Variants in PPM1L observed in about 807,000 individuals in gnomAD.
The protein encoded by PPM1L is protein phosphatase, Mg2+/Mn2+ dependent 1L.
In PPM1L, 13 loss-of-function variants were observed where a neutral mutation model predicts 31.4. The ratio of observed to expected loss-of-function variants is 0.41; its 90% CI spans 0.27 to 0.66. The LOEUF (loss-of-function observed/expected upper bound fraction) is 0.66. PPM1L is among the 30% of genes least tolerant of loss of function. PPM1L has a pLI of 0.29. For missense variants in PPM1L, 326 were observed against 453.7 expected (o/e 0.72, Z 2.56); for synonymous variants, 184 against 175.4 (o/e 1.05, Z -0.39).
intron 1 of PPM1L, among the ~76,000 whole-genome samples, chr3:160,944,862 T>TA (rs1715314669): frequency 7.5e-5 from 1 of 13,340 alleles, no homozygotes; most frequent in South Asian, 1.6e-3. Flanking sequence ...ATATATTATA[T>TA]ATAATGTTAT....
intron 2 of PPM1L, among the ~76,000 whole-genome samples, chr3:160,984,162 G>C (rs947177245): frequency 3.9e-5 from 6 of 152,170 alleles, no homozygotes; most frequent in South Asian, 2.1e-4. Context: ...GGAGACTAGG[G>C]CATGTTTCAT....
intron 1 of PPM1L, among the ~76,000 whole-genome samples, chr3:160,760,725 T>C (rs540790501): frequency 6.6e-6 from 1 of 152,060 alleles, no homozygotes; most frequent in African/African-American, 2.4e-5. Flanking sequence ...TTTTTTTGTT[T>C]TTTTTTTTTA....
At chr3:160,913,476 A>G (rs1007866913) in intron 1 of PPM1L, among the ~76,000 whole-genome samples, 7 of 152,204 alleles carry the variant, frequency 4.6e-5, no homozygotes, top group Non-Finnish European at 8.8e-5. Context: ...ATAAATGTAT[A>G]TAGCTGTATA....
intron 1 of PPM1L, among the ~76,000 whole-genome samples, chr3:160,861,588 G>C (rs768022745): frequency 6.6e-6 from 1 of 152,098 alleles, no homozygotes; most frequent in Non-Finnish European, 1.5e-5. Flanking sequence ...CTGTATAGCG[G>C]GGGACAATAA....
chr3:160,899,476 G>T (rs374752436), intron 1 of PPM1L, among the ~76,000 whole-genome samples: 123 of 152,216 alleles, frequency 8.1e-4, no homozygotes, highest in African/African-American at 2.9e-3. Flanking sequence ...CCAATGAATT[G>T]GATTTTAAAA....
intron 1 of PPM1L, among the ~76,000 whole-genome samples, chr3:160,771,570 TA>T (rs1164086246): frequency 4.3e-5 from 6 of 139,256 alleles, no homozygotes; most frequent in South Asian, 2.2e-4. Context: ...TTTTTTTTTT[TA>T]AAAAGAGCAT....
intron 1 of PPM1L, among the ~76,000 whole-genome samples, chr3:160,793,268 CTT>C (rs1287149072): frequency 6.6e-6 from 1 of 152,110 alleles, no homozygotes; most frequent in African/African-American, 2.4e-5. Flanking sequence ...TGATTTAAAA[CTT>C]ATATATTATT....
intron 1 of PPM1L, among the ~76,000 whole-genome samples, chr3:160,925,206 T>A (rs573042254): frequency 6.6e-6 from 1 of 152,322 alleles, no homozygotes; most frequent in South Asian, 2.1e-4. Flanking sequence ...TCTACAACTC[T>A]GATTTACCAG....
chr3:161,011,134 G>A (rs1717880489), intron 2 of PPM1L, among the ~76,000 whole-genome samples: 2 of 152,144 alleles, frequency 1.3e-5, no homozygotes. Flanking sequence ...TTCTTCTAGG[G>A]TTTTTATGGC....
chr3:160,847,538 C>T (rs1477202794), intron 1 of PPM1L, among the ~76,000 whole-genome samples: 1 of 152,106 alleles, frequency 6.6e-6, no homozygotes, highest in Admixed American at 6.5e-5. Context: ...AGTGTGATCT[C>T]AGGAACCCTT....
chr3:160,848,562 G>A (rs909841712), intron 1 of PPM1L, among the ~76,000 whole-genome samples: 6 of 152,142 alleles, frequency 3.9e-5, no homozygotes, highest in South Asian at 4.1e-4. Flanking sequence ...GTTAGTGTCC[G>A]CAGGTTCTAT....
chr3:160,830,091 T>C (rs1229457574), intron 1 of PPM1L, among the ~76,000 whole-genome samples: 1 of 152,210 alleles, frequency 6.6e-6, no homozygotes, highest in Non-Finnish European at 1.5e-5. Flanking sequence ...CCTTGTGAGC[T>C]GGCTTTGTTC....
At chr3:160,964,767 G>A (rs1716079174) in intron 2 of PPM1L, among the ~76,000 whole-genome samples, 1 of 152,054 alleles carries the variant, frequency 6.6e-6, no homozygotes, top group Non-Finnish European at 1.5e-5. Flanking sequence ...CAGGACAGTG[G>A]ATGTGGGAGG....
At chr3:160,974,384 T>C (rs930219261) in intron 2 of PPM1L, among the ~76,000 whole-genome samples, 2 of 152,074 alleles carry the variant, frequency 1.3e-5, no homozygotes, top group Admixed American at 1.3e-4. Flanking sequence ...TGGGTGTATA[T>C]CCAGTAATGG....
intron 2 of PPM1L, among the ~76,000 whole-genome samples, chr3:161,018,716 C>T (rs1280339967): frequency 6.6e-6 from 1 of 152,110 alleles, no homozygotes; most frequent in African/African-American, 2.4e-5. Flanking sequence ...AACAATATCA[C>T]TTAATAGTCA....
intron 1 of PPM1L, among the ~76,000 whole-genome samples, chr3:160,940,851 A>G (rs533145826): frequency 2.6e-5 from 4 of 152,214 alleles, no homozygotes; most frequent in Non-Finnish European, 5.9e-5. Flanking sequence ...CATCCTCCAG[A>G]TCCCAGAATG....
At chr3:161,048,734 G>C (rs1322965314) in intron 2 of PPM1L, among the ~76,000 whole-genome samples, 1 of 151,980 alleles carries the variant, frequency 6.6e-6, no homozygotes, top group Non-Finnish European at 1.5e-5. Context: ...TATACACCAT[G>C]GAATACTATG....
chr3:161,070,517 G>A lies in PPM1L; in HGVS notation c.*1360G>A, dbSNP rs1719874141. On this transcript the variant is annotated 3_prime_UTR_variant, in exon 4 of 4. Coordinates refer to ENST00000498165, the MANE Select transcript of PPM1L (RefSeq NM_139245.4). ...ATAAGTGGGCCAGAATTATTTAGGG[G>A]CCTGGCTTGCTGCTCTCCATTTCCT... The A allele has an allele frequency of 6.6e-6, 1 of 152,172 alleles. No homozygotes were observed. The highest frequency in any genetic ancestry group is 2.4e-5 in the African/African-American group (1 of 41,442). The allele number at this position is 152,172 out of a possible 1,614,324, so 9.4% of individuals were successfully genotyped here.
At chr3:161,051,501 T>G (rs750978980) in intron 2 of PPM1L, among the ~76,000 whole-genome samples, 5 of 152,076 alleles carry the variant, frequency 3.3e-5, no homozygotes, top group Admixed American at 1.3e-4. Context: ...TTCTCAGATA[T>G]AGATGTATGG....
Sources: gnomAD v4.1 joint callset for allele counts (sites outside exome capture counted in the v4.1 genomes callset) on GRCh38, gnomAD v4.1.1 for gene constraint, MANE v1.5 for transcripts, NCBI Gene and HGNC (gene_info 2026-07-23, HGNC 2026-07-21) for gene names.